The following NCOA1 variants were observed in gnomAD, a reference collection of about 807,000 sequenced individuals.
The protein encoded by NCOA1 is Hin-2 protein.
In NCOA1, 35 loss-of-function variants were observed where a neutral mutation model predicts 150.9. The ratio of observed to expected loss-of-function variants is 0.23; its 90% CI spans 0.18 to 0.31. The LOEUF (loss-of-function observed/expected upper bound fraction) is 0.31. Ranked by LOEUF, NCOA1 falls within the 10% of genes least tolerant of loss-of-function variation. The pLI, the probability that NCOA1 is intolerant of heterozygous loss-of-function variation, is 1.00. For synonymous variants in NCOA1, 590 were observed against 630.0 expected (o/e 0.94, Z 0.95); for missense variants, 1,491 against 1,749.3 (o/e 0.85, Z 2.63).
chr2:24,531,855 A>G (rs1342015349), intron 1 of NCOA1, among the ~76,000 whole-genome samples: 1 of 152,188 alleles, frequency 6.6e-6, no homozygotes, highest in East Asian at 1.9e-4. Context: ...CCAGTCTATC[A>G]TTGATGGACA....
chr2:24,628,127 C>T (rs1572511429), intron 3 of NCOA1, among the ~76,000 whole-genome samples: 1 of 152,022 alleles, frequency 6.6e-6, no homozygotes, highest in Non-Finnish European at 1.5e-5. Flanking sequence ...TGTTGAAACC[C>T]CGTCTCTACT....
At chr2:24,529,871 C>A (rs1432345428) in intron 1 of NCOA1, among the ~76,000 whole-genome samples, 7 of 152,144 alleles carry the variant, frequency 4.6e-5, no homozygotes, top group Admixed American at 2.0e-4. Flanking sequence ...ATAACCTAAA[C>A]TCTTAGATAT....
intron 2 of NCOA1, among the ~76,000 whole-genome samples, chr2:24,579,010 A>G (rs1317155488): frequency 6.6e-6 from 1 of 152,186 alleles, no homozygotes; most frequent in East Asian, 1.9e-4. Flanking sequence ...AGTGCTTAGA[A>G]AAGCTTGGCA....
intron 4 of NCOA1, among the ~76,000 whole-genome samples, chr2:24,651,142 C>T (rs1394219845): frequency 1.1e-4 from 17 of 152,130 alleles, no homozygotes; most frequent in East Asian, 5.8e-4. Flanking sequence ...AGTATAGATA[C>T]TCCTAAGGAA....
chr2:24,633,405 A>G (rs1352794921), intron 3 of NCOA1, among the ~76,000 whole-genome samples: 1 of 152,160 alleles, frequency 6.6e-6, no homozygotes, highest in Non-Finnish European at 1.5e-5. Flanking sequence ...CTAGTGCAGG[A>G]GGGCCAGCTC....
chr2:24,743,346 A>T (rs1433151562), intron 19 of NCOA1, among the ~76,000 whole-genome samples: 2 of 152,242 alleles, frequency 1.3e-5, no homozygotes, highest in African/African-American at 2.4e-5. Flanking sequence ...TAGAGTTTCC[A>T]TTCTGATGGT....
At chr2:24,586,201 A>G (rs7596602) in intron 3 of NCOA1, among the ~76,000 whole-genome samples, 120,933 of 149,602 alleles carry the variant, frequency 0.81, 50,695 homozygotes, top group East Asian at 0.99. Context: ...GTGTGAACCC[A>G]GGAGGCGGAG....
intron 2 of NCOA1, among the ~76,000 whole-genome samples, chr2:24,578,837 A>G (rs1381823766): frequency 6.6e-6 from 1 of 152,336 alleles, no homozygotes; most frequent in East Asian, 1.9e-4. Flanking sequence ...TCACAATACT[A>G]TTACTTATCA....
intron 7 of NCOA1, among the ~76,000 whole-genome samples, chr2:24,680,950 G>A (rs1343135070): frequency 6.6e-6 from 1 of 151,924 alleles, no homozygotes; most frequent in Non-Finnish European, 1.5e-5. Context: ...AATTACGATA[G>A]TCATTTTTAA....
chr2:24,500,045 G>C (rs370644309), intron 1 of NCOA1, among the ~76,000 whole-genome samples: 11 of 152,312 alleles, frequency 7.2e-5, no homozygotes, highest in South Asian at 6.2e-4. Context: ...TGGGTAGGCT[G>C]ATAAAGAGCC....
intron 11 of NCOA1, among the ~76,000 whole-genome samples, chr2:24,703,509 C>T (rs1408137183): frequency 6.6e-6 from 1 of 152,128 alleles, no homozygotes; most frequent in Non-Finnish European, 1.5e-5. Flanking sequence ...AATTAATAGG[C>T]TTCCCTAAAT....
At chr2:24,528,988 G>A (rs1405081916) in intron 1 of NCOA1, among the ~76,000 whole-genome samples, 2 of 152,034 alleles carry the variant, frequency 1.3e-5, no homozygotes, top group African/African-American at 2.4e-5. Flanking sequence ...CCAGGTTCAC[G>A]CCATTCTCCT....
chr2:24,713,231 C>T (rs1254917115), intron 14 of NCOA1, among the ~76,000 whole-genome samples: 2 of 150,730 alleles, frequency 1.3e-5, no homozygotes, highest in Admixed American at 1.3e-4. Flanking sequence ...AACTCTATCT[C>T]AAAAATAATT....
At chr2:24,617,334 C>T (rs56076546) in intron 3 of NCOA1, among the ~76,000 whole-genome samples, 14 of 152,212 alleles carry the variant, frequency 9.2e-5, no homozygotes, top group Non-Finnish European at 1.3e-4. Context: ...CGAAACTGAA[C>T]GTTATGATCT....
At chr2:24,626,713 C>A (rs905046091) in intron 3 of NCOA1, among the ~76,000 whole-genome samples, 25 of 152,138 alleles carry the variant, frequency 1.6e-4, no homozygotes, top group African/African-American at 6.0e-4. Flanking sequence ...ATAAGAATTT[C>A]TACTGGGTTT....
chr2:24,729,148 C>T (rs920969901), intron 16 of NCOA1, among the ~76,000 whole-genome samples: 2 of 152,028 alleles, frequency 1.3e-5, no homozygotes, highest in Non-Finnish European at 2.9e-5. Flanking sequence ...TAGAAAAATG[C>T]CTGCTTGATC....
chr2:24,630,457 T>G (rs1415450031), intron 3 of NCOA1, among the ~76,000 whole-genome samples: 1 of 152,228 alleles, frequency 6.6e-6, no homozygotes, highest in Non-Finnish European at 1.5e-5. Flanking sequence ...TTTGCTCTTA[T>G]AAACATTGTT....
intron 2 of NCOA1, among the ~76,000 whole-genome samples, chr2:24,568,802 G>C (rs1016912529): frequency 6.6e-6 from 1 of 152,182 alleles, no homozygotes; most frequent in African/African-American, 2.4e-5. Flanking sequence ...AGCAATTACT[G>C]TCATGTACCC....
At chr2:24,602,388 A>G (rs1170474649) in intron 3 of NCOA1, among the ~76,000 whole-genome samples, 4 of 151,962 alleles carry the variant, frequency 2.6e-5, no homozygotes, top group Admixed American at 1.3e-4. Flanking sequence ...TTTTGTAGAT[A>G]TGGGGTCTCA....
Sources: gnomAD v4.1 joint callset for allele counts (sites outside exome capture counted in the v4.1 genomes callset) on GRCh38, gnomAD v4.1.1 for gene constraint, MANE v1.5 for transcripts, NCBI Gene and HGNC (gene_info 2026-07-23, HGNC 2026-07-21) for gene names.